UIMC1: variants seen among roughly 807,000 people sequenced by gnomAD.
The protein encoded by UIMC1 is BRCA1-A complex subunit RAP80.
Under a neutral mutation model 84.9 loss-of-function variants are expected in UIMC1, and 42 were observed. That is an observed-to-expected ratio of 0.49 (90% CI 0.39 to 0.64). The LOEUF (loss-of-function observed/expected upper bound fraction) is 0.64, where lower values mean the gene tolerates loss of function less well. Among genes scored for constraint, UIMC1 ranks in the 30% least tolerant of loss-of-function variants. UIMC1 has a pLI of 0.00. For synonymous variants in UIMC1, 281 were observed against 293.0 expected (o/e 0.96, Z 0.42); for missense variants, 825 against 847.6 (o/e 0.97, Z 0.33).
chr5:176,967,796 C>T (rs1321405023), intron 6 of UIMC1, among the ~76,000 whole-genome samples: 1 of 151,190 alleles, frequency 6.6e-6, no homozygotes, highest in Non-Finnish European at 1.5e-5. Context: ...CCAGCTATTG[C>T]GACGGGCTGA....
chr5:176,927,815 G>T (rs1395561326), intron 10 of UIMC1, among the ~76,000 whole-genome samples: 1 of 149,710 alleles, frequency 6.7e-6, no homozygotes, highest in African/African-American at 2.4e-5. Flanking sequence ...CAGTTCTCTA[G>T]AACAGGGATT....
chr5:176,986,359 CAAAA>C (rs71583560), intron 1 of UIMC1, among the ~76,000 whole-genome samples: 189 of 27,988 alleles, frequency 6.8e-3, no homozygotes, highest in Non-Finnish European at 8.5e-3. Flanking sequence ...GACTTCATCT[CAAAA>C]AAAAAAAAAA....
Position 176,975,500 on chromosome 5 carries a change from A to C in UIMC1, c.148-20T>G. On this transcript the variant is annotated intron_variant, in intron 2 of 14. Coordinates refer to ENST00000511320, the MANE Select transcript of UIMC1 (RefSeq NM_001199298.2). ...TGGTTCCTGTTGCAAAACAAGAAATATCATCAGTGTGGCTGCCACTAAAAG... is the reference window on the plus strand; with the variant it reads ...TGGTTCCTGTTGCAAAACAAGAAATCTCATCAGTGTGGCTGCCACTAAAAG... 3.7e-6 allele frequency: 6 copies of C among 1,613,314 alleles called. No homozygotes were observed. The highest frequency in any genetic ancestry group is 5.1e-6 in the Non-Finnish European group (6 of 1,179,476).
intron 1 of UIMC1, among the ~76,000 whole-genome samples, chr5:177,000,124 A>G (rs1774227983): frequency 6.6e-6 from 1 of 151,980 alleles, no homozygotes; most frequent in African/African-American, 2.4e-5. Flanking sequence ...CACCTGGCTA[A>G]TTTTTTTACA....
intron 3 of UIMC1, among the ~76,000 whole-genome samples, chr5:176,972,700 C>T (rs536693835): frequency 8.5e-5 from 13 of 152,054 alleles, no homozygotes; most frequent in African/African-American, 2.7e-4. Flanking sequence ...CACGCAACTG[C>T]GCTCTAACCT....
Position 176,968,956 on chromosome 5 carries a change from G to A in UIMC1, c.799C>T (p.Leu267Phe), listed in dbSNP as rs1768758045. The change falls in exon 6 of 15, where the codon CTC becomes TTC. Residue 267 changes from leucine (L) to phenylalanine (F), a missense_variant. Coordinates refer to ENST00000511320, the MANE Select transcript of UIMC1 (RefSeq NM_001199298.2). ...CLPTLADAKG[L>F]QDTGGTVNYF... ...TTCACAGTGCCCCCAGTGTCCTGGA[G>A]ACCTTTGGCATCTGCTAGGGTAGGT... The A allele has an allele frequency of 6.2e-7, 1 of 1,614,222 alleles. No homozygotes were observed. The highest frequency in any genetic ancestry group is 2.2e-5 in the East Asian group (1 of 44,892).
intron 13 of UIMC1, among the ~76,000 whole-genome samples, chr5:176,906,762 C>T (rs1381351539): frequency 6.6e-6 from 1 of 152,198 alleles, no homozygotes; most frequent in Non-Finnish European, 1.5e-5. Context: ...ATGCACAAAA[C>T]AATAGAAGGA....
intron 9 of UIMC1, among the ~76,000 whole-genome samples, chr5:176,947,359 T>C (rs1355851216): frequency 6.6e-6 from 1 of 152,132 alleles, no homozygotes; most frequent in African/African-American, 2.4e-5. Flanking sequence ...TTTATATATA[T>C]ATATTTTTTA....
At chr5:176,965,978 C>A (rs60923408) in intron 6 of UIMC1, among the ~76,000 whole-genome samples, 4,080 of 152,308 alleles carry the variant, frequency 0.027, 199 homozygotes, top group African/African-American at 0.093. Flanking sequence ...AAACATTTAT[C>A]ATAAGCATCA....
intron 8 of UIMC1, among the ~76,000 whole-genome samples, chr5:176,954,275 G>A (rs1766288385): frequency 6.6e-6 from 1 of 152,188 alleles, no homozygotes; most frequent in Non-Finnish European, 1.5e-5. Context: ...CTTCTAGGAA[G>A]TCAGTAGTCC....
At chr5:176,997,408 G>GGGCAC (rs1257057225) in intron 1 of UIMC1, among the ~76,000 whole-genome samples, 2 of 152,146 alleles carry the variant, frequency 1.3e-5, no homozygotes, top group East Asian at 3.9e-4. Flanking sequence ...ATTTCAGGCC[G>GGGCAC]GGCACGGTGG....
At chr5:176,914,937 A>AG (rs1337489982) in intron 10 of UIMC1, among the ~76,000 whole-genome samples, 2 of 152,236 alleles carry the variant, frequency 1.3e-5, no homozygotes, top group Admixed American at 6.5e-5. Flanking sequence ...GATTTTATCA[A>AG]GTGCCTTGCT....
intron 1 of UIMC1, among the ~76,000 whole-genome samples, chr5:177,004,744 T>TC (rs1316927563): frequency 6.6e-6 from 1 of 152,204 alleles, no homozygotes; most frequent in Non-Finnish European, 1.5e-5. Context: ...AGCACATCCA[T>TC]CGTCTTGATC....
intron 1 of UIMC1, among the ~76,000 whole-genome samples, chr5:176,992,975 C>G (rs975660437): frequency 6.6e-6 from 1 of 152,042 alleles, no homozygotes; most frequent in Non-Finnish European, 1.5e-5. Context: ...CACCTGAGAT[C>G]AGGAGTTGGA....
At chr5:176,908,797 T>C in intron 11 of UIMC1, 103 bp from the exon 12 acceptor site, 2 of 1,232,576 alleles carry the variant, frequency 1.6e-6, no homozygotes, top group Non-Finnish European at 2.3e-6. Context: ...GCAAAGTTAT[T>C]CTATGGAGGA....
intron 1 of UIMC1, among the ~76,000 whole-genome samples, chr5:177,003,184 T>C (rs1774784287): frequency 2.0e-5 from 3 of 152,086 alleles, no homozygotes; most frequent in South Asian, 2.1e-4. Context: ...TTTTAAAAAA[T>C]AGGTAAATGC....
At position 176,993,408 on chromosome 5, in the gene UIMC1, C is replaced by T. The variant is rs1357372446; in HGVS notation, c.-8-10785G>A. On this transcript the variant is annotated intron_variant, in intron 1 of 14. Coordinates refer to ENST00000511320, the MANE Select transcript of UIMC1 (RefSeq NM_001199298.2). ...CTCACTACATTGCCCAGACTGGTCT[C>T]GAACTCCTGGGCTCAAGTGATCCTC... Among the ~76,000 whole-genome samples, 3 of 152,040 alleles carry T rather than the reference C, an allele frequency of 2.0e-5. 1 individual carries two copies. The highest frequency in any genetic ancestry group is 4.1e-4 in the South Asian group (2 of 4,832).
intron 9 of UIMC1, among the ~76,000 whole-genome samples, chr5:176,951,043 T>G (rs1245315224): frequency 2.0e-5 from 3 of 152,192 alleles, no homozygotes. Context: ...TCTGATCAAA[T>G]TAGGGCTGGA....
Position 176,970,770 on chromosome 5 carries a change from A to G in UIMC1, c.329T>C (p.Leu110Ser). Residue 110 changes from leucine (L) to serine (S), a missense_variant, in exon 4 of 15, where the codon TTG becomes TCG. Coordinates refer to ENST00000511320, the MANE Select transcript of UIMC1 (RefSeq NM_001199298.2). ...CAGGCTTTCAGCAATGGCTTTCCTC[A>G]AGAGCTCCTCTTCTTCCTCCTCCTG... ...NSQEEEEEEL[L>S]RKAIAESLNS... is the part of the protein sequence containing the mutation. 1 of 1,614,054 alleles carries G rather than the reference A, an allele frequency of 6.2e-7. No individual in the cohort carries two copies. Among genetic ancestry groups the G allele is most frequent in the Non-Finnish European group, 8.5e-7 (1 of 1,180,012 alleles).
Sources: allele counts gnomAD v4.1 joint callset (sites outside exome capture counted in the v4.1 genomes callset), GRCh38; gene constraint gnomAD v4.1.1; transcripts MANE v1.5; gene names NCBI Gene and HGNC (gene_info 2026-07-23, HGNC 2026-07-21).